The following DIAPH3 variants were observed in gnomAD, a reference collection of about 807,000 sequenced individuals.
DIAPH3 encodes the protein diaphanous related formin 3.
DIAPH3 carries 117 observed loss-of-function variants against 144.3 expected under a neutral mutation model. The ratio of observed to expected loss-of-function variants is 0.81; its 90% CI spans 0.70 to 0.95. The LOEUF (loss-of-function observed/expected upper bound fraction) is 0.95. Among genes scored for constraint, DIAPH3 ranks in the 40% least tolerant of loss-of-function variants. The pLI is 0.00. For missense variants in DIAPH3, 1,421 were observed against 1,412.7 expected (o/e 1.01, Z -0.09); for synonymous variants, 519 against 488.9 (o/e 1.06, Z -0.81).
intron 5 of DIAPH3, among the ~76,000 whole-genome samples, chr13:60,024,259 C>T (rs2054232205): frequency 6.6e-6 from 1 of 152,048 alleles, no homozygotes; most frequent in African/African-American, 2.4e-5. Flanking sequence ...CCCATAATTC[C>T]CTGAGACTCT....
At chr13:59,893,283 ACTATAAGCATGGCAACCC>A (rs1469096595) in intron 20 of DIAPH3, among the ~76,000 whole-genome samples, 1 of 152,156 alleles carries the variant, frequency 6.6e-6, no homozygotes, top group African/African-American at 2.4e-5. Flanking sequence ...AAACAAACAC[ACTATAAGCATGGCAACCC>A]CTGCCGTACT....
intron 27 of DIAPH3, among the ~76,000 whole-genome samples, chr13:59,698,097 A>T (rs542281362): frequency 2.0e-5 from 3 of 152,342 alleles, no homozygotes; most frequent in East Asian, 3.9e-4. Context: ...AAATGTGCAT[A>T]AACTAAAGAA....
chr13:59,781,134 G>T (rs1027137260), intron 25 of DIAPH3, among the ~76,000 whole-genome samples: 1 of 152,124 alleles, frequency 6.6e-6, no homozygotes, highest in Non-Finnish European at 1.5e-5. Context: ...AGCATACAAA[G>T]AAGATCCTAA....
At chr13:59,850,264 A>C (rs201317973) in intron 22 of DIAPH3, among the ~76,000 whole-genome samples, 2,239 of 150,762 alleles carry the variant, frequency 0.015, 63 homozygotes, top group East Asian at 0.099. Flanking sequence ...GTCGTCTGCA[A>C]ACAGGGACAA....
intron 20 of DIAPH3, among the ~76,000 whole-genome samples, chr13:59,893,785 A>C (rs1028380438): frequency 1.8e-4 from 27 of 152,124 alleles, no homozygotes; most frequent in Admixed American, 1.4e-3. Context: ...AACTCTGCCC[A>C]CATACTCTTA....
At chr13:59,774,582 G>T in intron 26 of DIAPH3, 146 bp downstream of exon 26, 2 of 800,014 alleles carry the variant, frequency 2.5e-6, no homozygotes, top group Non-Finnish European at 4.3e-6. Context: ...TCTGTGCAAG[G>T]GATTAAGCAA....
At chr13:60,057,399 T>C (rs746691939) in intron 4 of DIAPH3, among the ~76,000 whole-genome samples, 4 of 151,634 alleles carry the variant, frequency 2.6e-5, no homozygotes, top group Non-Finnish European at 5.9e-5. Context: ...AAATCACAGA[T>C]GACACAAATG....
chr13:60,092,496 C>CA (rs960975342), intron 4 of DIAPH3, among the ~76,000 whole-genome samples: 1 of 152,086 alleles, frequency 6.6e-6, no homozygotes, highest in Non-Finnish European at 1.5e-5. Flanking sequence ...AATAAAAATA[C>CA]AAAAAATTTC....
At chr13:60,084,699 C>T (rs550848463) in intron 4 of DIAPH3, among the ~76,000 whole-genome samples, 4 of 152,156 alleles carry the variant, frequency 2.6e-5, no homozygotes, top group East Asian at 1.9e-4. Context: ...TTGGTTTCCA[C>T]ATCTCAACAA....
At chr13:59,798,588 A>C (rs1416024852) in intron 25 of DIAPH3, among the ~76,000 whole-genome samples, 1 of 152,218 alleles carries the variant, frequency 6.6e-6, no homozygotes, top group African/African-American at 2.4e-5. Context: ...ATTTCAAAGG[A>C]ACAACAAAGG....
intron 25 of DIAPH3, among the ~76,000 whole-genome samples, chr13:59,801,350 G>A (rs542060490): frequency 1.3e-5 from 2 of 152,282 alleles, no homozygotes; most frequent in South Asian, 4.1e-4. Context: ...GTGTTGGAAT[G>A]ACTTTGGAGG....
intron 5 of DIAPH3, among the ~76,000 whole-genome samples, chr13:60,021,734 G>A (rs139427909): frequency 2.4e-4 from 36 of 151,390 alleles, no homozygotes; most frequent in Non-Finnish European, 4.9e-4. Context: ...AAATGAAGGA[G>A]GCCAAAGAAG....
At chr13:59,741,836 T>G (rs1468983554) in intron 27 of DIAPH3, among the ~76,000 whole-genome samples, 1 of 151,902 alleles carries the variant, frequency 6.6e-6, no homozygotes, top group Non-Finnish European at 1.5e-5. Context: ...GGGGGTAAAA[T>G]ATTTCCTACC....
chr13:60,033,187 C>T (rs2141119265), intron 5 of DIAPH3, among the ~76,000 whole-genome samples: 1 of 152,316 alleles, frequency 6.6e-6, no homozygotes, highest in East Asian at 1.9e-4. Flanking sequence ...TGGTCACAAT[C>T]ATTTAATGAG....
chr13:59,742,564 A>AAGAAAAGAAAAGAAAGAAAAGGAAAG (rs1566248509), intron 27 of DIAPH3, among the ~76,000 whole-genome samples: 1 of 98,456 alleles, frequency 1.0e-5, no homozygotes, highest in Non-Finnish European at 2.1e-5. Context: ...CTGCTAAAAG[A>AAGAAAAGAAAAGAAAGAAAAGGAAAG]AGAAAAGAAA....
intron 2 of DIAPH3, among the ~76,000 whole-genome samples, chr13:60,113,542 T>C (rs2058625948): frequency 6.6e-6 from 1 of 152,208 alleles, no homozygotes; most frequent in African/African-American, 2.4e-5. Context: ...ATTAAAGTAC[T>C]AAGAATACGA....
chr13:60,123,045 A>G (rs1362843610), intron 2 of DIAPH3, among the ~76,000 whole-genome samples: 2 of 152,172 alleles, frequency 1.3e-5, no homozygotes, highest in East Asian at 1.9e-4. Context: ...GACATCAATA[A>G]TCGCTTTCTA....
intron 27 of DIAPH3, among the ~76,000 whole-genome samples, chr13:59,754,520 G>T (rs967344005): frequency 6.6e-6 from 1 of 152,196 alleles, no homozygotes; most frequent in Non-Finnish European, 1.5e-5. Flanking sequence ...CTTGTAGACA[G>T]AAGTTCTGAG....
chr13:59,854,397 C>T (rs2139877888), intron 22 of DIAPH3, among the ~76,000 whole-genome samples: 1 of 152,288 alleles, frequency 6.6e-6, no homozygotes, highest in South Asian at 2.1e-4. Flanking sequence ...CTGTAAGATG[C>T]ATAAATACAT....
Sources: gnomAD v4.1 joint callset for allele counts (sites outside exome capture counted in the v4.1 genomes callset) on GRCh38, gnomAD v4.1.1 for gene constraint, MANE v1.5 for transcripts, NCBI Gene and HGNC (gene_info 2026-07-23, HGNC 2026-07-21) for gene names.